Variants in MAGEC3 observed in about 807,000 individuals in gnomAD.
The protein encoded by MAGEC3 is melanoma-associated antigen C3.
A neutral mutation model predicts 35.3 loss-of-function variants in MAGEC3; 34 were observed. That is an observed-to-expected ratio of 0.96 (90% confidence interval 0.73 to 1.28). The LOEUF (loss-of-function observed/expected upper bound fraction) is 1.28. Among genes scored for constraint, MAGEC3 ranks in the 50% most tolerant of loss-of-function variants. The pLI, the probability that MAGEC3 is intolerant of heterozygous loss-of-function variation, is 0.00. For missense variants in MAGEC3, 561 were observed against 483.6 expected, an observed-to-expected ratio of 1.16 and a Z score of -1.50; for synonymous variants, 202 against 185.6, an observed-to-expected ratio of 1.09 and a Z score of -0.72.
intron 1 of MAGEC3, among the ~76,000 whole-genome samples, chrX:141,864,986 G>A (rs888629147): frequency 8.9e-6 from 1 of 111,895 alleles, no homozygotes; most frequent in African/African-American, 3.2e-5. Context: ...ATCTAATGAT[G>A]TAGGATAATT....
chrX:141,896,639 GAACAAC>G (rs751919115), intron 6 of MAGEC3: 12 of 1,203,580 alleles, frequency 1.0e-5, no homozygotes, highest in Non-Finnish European at 1.3e-5. Context: ...TGCTGCTCCT[GAACAAC>G]AGGCCTCATG....
intron 1 of MAGEC3, among the ~76,000 whole-genome samples, chrX:141,842,468 T>C (rs2017691712): frequency 8.9e-6 from 1 of 112,011 alleles, no homozygotes; most frequent in Admixed American, 9.5e-5. Context: ...TTAAGCATCC[T>C]GTATAACTTG....
chrX:141,851,619 T>G (rs1466267003), intron 1 of MAGEC3, among the ~76,000 whole-genome samples: 4 of 110,728 alleles, frequency 3.6e-5, no homozygotes, highest in Non-Finnish European at 7.6e-5. Context: ...GAAAGGAAAT[T>G]TTACACCTGT....
chrX:141,888,729 A>G (rs73577996), intron 4 of MAGEC3, among the ~76,000 whole-genome samples: 1,389 of 112,000 alleles, frequency 0.012, 29 homozygotes, highest in African/African-American at 0.044. Context: ...GGGCTCTGCA[A>G]CATGGACTTG....
intron 4 of MAGEC3, among the ~76,000 whole-genome samples, chrX:141,888,419 A>G (rs370477974): frequency 8.9e-6 from 1 of 112,318 alleles, no homozygotes; most frequent in Admixed American, 9.4e-5. Flanking sequence ...GCTGTAGCCA[A>G]TGGTTTGGCT....
chrX:141,846,938 A>G (rs1371184559), intron 1 of MAGEC3, among the ~76,000 whole-genome samples: 1 of 111,132 alleles, frequency 9.0e-6, no homozygotes, highest in Non-Finnish European at 1.9e-5. Flanking sequence ...CATTCATAAG[A>G]TAATGATAAT....
Position 141,897,797 on chromosome X carries a change from C to A in MAGEC3, c.1897C>A (p.Pro633Thr), listed in dbSNP as rs919085115. 7 of 1,199,755 alleles carry A rather than the reference C, an allele frequency of 5.8e-6. No homozygotes were observed. In the African/African-American group the frequency reaches 1.2e-4, roughly 21 times the overall value. Residue 633 changes from proline (P) to threonine (T), a missense_variant, in exon 8 of 8, where the codon CCC becomes ACC. By Grantham distance (38) the Pro-to-Thr change is conservative. Coordinates refer to ENST00000298296, the MANE Select transcript of MAGEC3 (RefSeq NM_138702.1). ...TGCTACTGCCATGGCCAGTGCAAGC[C>A]CCAGTGTCATGTCCACCAACTTCTG... is the stretch of plus-strand genomic sequence containing the variant. ...DDATAMASASPSVMSTNFCPE is the reference protein window; with the variant it reads ...DDATAMASASTSVMSTNFCPE
At chrX:141,877,406 C>T (rs2017926873) in intron 2 of MAGEC3, among the ~76,000 whole-genome samples, 1 of 111,691 alleles carries the variant, frequency 9.0e-6, no homozygotes, top group Non-Finnish European at 1.9e-5. Context: ...CATTTTCATA[C>T]TCTTTCCCTG....
intron 1 of MAGEC3, among the ~76,000 whole-genome samples, chrX:141,859,247 T>C (rs993477079): frequency 3.6e-5 from 4 of 111,126 alleles, no homozygotes; most frequent in African/African-American, 9.8e-5. Context: ...GAATTGTGTA[T>C]CTATTCTATT....
chrX:141,840,642 G>A (rs1178306541), intron 1 of MAGEC3, among the ~76,000 whole-genome samples: 3 of 110,811 alleles, frequency 2.7e-5, no homozygotes, highest in African/African-American at 9.8e-5. Flanking sequence ...TCACTAAATT[G>A]CCATATTAAA....
At chrX:141,896,678 G>A (rs755145243) in intron 6 of MAGEC3, 30 of 1,209,128 alleles carry the variant, frequency 2.5e-5, no homozygotes, top group Non-Finnish European at 3.1e-5. Flanking sequence ...AACCTTCCAC[G>A]CCTCAGCTTT....
intron 1 of MAGEC3, among the ~76,000 whole-genome samples, chrX:141,859,642 A>G (rs1418085164): frequency 9.0e-6 from 1 of 111,380 alleles, no homozygotes; most frequent in African/African-American, 3.3e-5. Flanking sequence ...TAACATTTCA[A>G]ACAAACATCA....
intron 1 of MAGEC3, among the ~76,000 whole-genome samples, chrX:141,859,605 C>T (rs1002267307): frequency 2.7e-5 from 3 of 111,319 alleles, no homozygotes; most frequent in Non-Finnish European, 5.7e-5. Context: ...TCATATCCTC[C>T]ACCTTACAAC....
chrX:141,869,258 T>C (rs1000904595), intron 2 of MAGEC3, among the ~76,000 whole-genome samples: 4 of 111,703 alleles, frequency 3.6e-5, no homozygotes, highest in Admixed American at 1.9e-4. Context: ...TTTTTTTTAA[T>C]TGTGTTCTGT....
At chrX:141,847,233 C>G (rs1404903050) in intron 1 of MAGEC3, among the ~76,000 whole-genome samples, 2 of 110,382 alleles carry the variant, frequency 1.8e-5, no homozygotes, top group Non-Finnish European at 3.8e-5. Flanking sequence ...CACTTGTTAC[C>G]CTCTTTCACG....
intron 1 of MAGEC3, among the ~76,000 whole-genome samples, chrX:141,846,627 C>T (rs2017718536): frequency 9.0e-6 from 1 of 111,092 alleles, no homozygotes; most frequent in Non-Finnish European, 1.9e-5. Context: ...GGTAACAAAA[C>T]TAATTATATC....
chrX:141,841,304 G>A (rs1013968211), intron 1 of MAGEC3, among the ~76,000 whole-genome samples: 18 of 111,688 alleles, frequency 1.6e-4, no homozygotes, highest in Non-Finnish European at 2.1e-4. Flanking sequence ...TTCTTAAAGA[G>A]GAATTTCCTG....
chrX:141,888,504 G>A lies in MAGEC3; in HGVS notation c.909+6708G>A, dbSNP rs1357119250. ...AAATTTGGTGAAAAGGTATGCAGAT[G>A]GACCTTTCTGAGTGGTCAAAAACTG... is the stretch of plus-strand genomic sequence containing the variant. On this transcript the variant is annotated intron_variant, in intron 4 of 7. Coordinates refer to ENST00000298296, the MANE Select transcript of MAGEC3 (RefSeq NM_138702.1). Among the ~76,000 whole-genome samples the A allele has an allele frequency of 2.7e-5, 3 of 112,469 alleles. No homozygotes were observed. The Admixed American group carries it at 2.8e-4, about 11-fold the overall frequency.
chrX:141,850,922 A>G (rs11797303), intron 1 of MAGEC3, among the ~76,000 whole-genome samples: 53,982 of 109,793 alleles, frequency 0.49, 9,853 homozygotes, highest in Middle Eastern at 0.58. Context: ...GAATATAACT[A>G]TCACAAAAGA....
Sources: gnomAD v4.1 joint callset for allele counts (sites outside exome capture counted in the v4.1 genomes callset) on GRCh38, gnomAD v4.1.1 for gene constraint, MANE v1.5 for transcripts, NCBI Gene and HGNC (gene_info 2026-07-23, HGNC 2026-07-21) for gene names.